The following MEI4 variants were observed in gnomAD, a reference collection of about 807,000 sequenced individuals.
MEI4 encodes meiotic double-stranded break formation protein 4.
Under a neutral mutation model 31.4 loss-of-function variants are expected in MEI4, and 27 were observed. The observed-to-expected ratio is 0.86, with a 90% CI of 0.63 to 1.19. The LOEUF (loss-of-function observed/expected upper bound fraction) is 1.19, where lower values mean the gene tolerates loss of function less well. MEI4 is among the 50% of genes most tolerant of loss of function. MEI4 has a pLI of 0.00. For missense variants in MEI4, 329 were observed against 398.9 expected (o/e 0.82, Z 1.49); for synonymous variants, 122 against 145.4 (o/e 0.84, Z 1.16).
At chr6:77,653,997 A>G (rs1488984842) in intron 1 of MEI4, among the ~76,000 whole-genome samples, 1 of 152,230 alleles carries the variant, frequency 6.6e-6, no homozygotes. Flanking sequence ...ATATTTATTC[A>G]ATAGAGTAAA....
At chr6:77,699,361 T>A (rs1172042685) in intron 2 of MEI4, among the ~76,000 whole-genome samples, 1 of 151,434 alleles carries the variant, frequency 6.6e-6, no homozygotes, top group African/African-American at 2.4e-5. Context: ...GGCTAATTTT[T>A]TTTTGTATTT....
At chr6:77,671,704 A>AT (rs11404703) in intron 1 of MEI4, among the ~76,000 whole-genome samples, 48,371 of 132,302 alleles carry the variant, frequency 0.37, 8,185 homozygotes, top group African/African-American at 0.5. Context: ...CAAAGTGGTC[A>AT]TAGCCCAAGC....
At chr6:77,833,967 A>AT (rs928682375) in intron 4 of MEI4, among the ~76,000 whole-genome samples, 3 of 152,108 alleles carry the variant, frequency 2.0e-5, no homozygotes, top group African/African-American at 7.2e-5. Flanking sequence ...TCATGAATTC[A>AT]TTTTTTATGG....
At chr6:77,920,432 C>T (rs2127742491) in intron 4 of MEI4, among the ~76,000 whole-genome samples, 1 of 151,990 alleles carries the variant, frequency 6.6e-6, no homozygotes, top group East Asian at 1.9e-4. Context: ...ACCTCTAATT[C>T]TATTCCACTT....
chr6:77,761,079 G>A, intron 2 of MEI4, 51 bp from the exon 3 acceptor site: 3 of 1,186,982 alleles, frequency 2.5e-6, no homozygotes, highest in Non-Finnish European at 1.1e-6. Flanking sequence ...AGTTTTACAT[G>A]AAGAAATTTC....
chr6:77,891,307 A>G (rs1771761883), intron 4 of MEI4, among the ~76,000 whole-genome samples: 1 of 152,078 alleles, frequency 6.6e-6, no homozygotes, highest in Non-Finnish European at 1.5e-5. Flanking sequence ...TGTCTCATAT[A>G]TCATATATGC....
chr6:77,743,727 G>A (rs990508257), intron 2 of MEI4, among the ~76,000 whole-genome samples: 1 of 152,168 alleles, frequency 6.6e-6, no homozygotes, highest in East Asian at 1.9e-4. Flanking sequence ...CCCAGTAGGG[G>A]CAGACTGACA....
chr6:77,689,729 A>C (rs1441782930), intron 1 of MEI4, among the ~76,000 whole-genome samples: 1 of 152,058 alleles, frequency 6.6e-6, no homozygotes, highest in Non-Finnish European at 1.5e-5. Flanking sequence ...GGAAGGAAAT[A>C]AAGTTTGAAA....
intron 2 of MEI4, among the ~76,000 whole-genome samples, chr6:77,727,051 G>T (rs1276243722): frequency 1.3e-5 from 2 of 152,072 alleles, no homozygotes; most frequent in South Asian, 2.1e-4. Flanking sequence ...AATTTTTTTT[G>T]GTACCTGCAA....
At chr6:77,731,408 T>C (rs1766987588) in intron 2 of MEI4, among the ~76,000 whole-genome samples, 1 of 151,578 alleles carries the variant, frequency 6.6e-6, no homozygotes, top group Admixed American at 6.6e-5. Context: ...CTGTGTTTTT[T>C]GGCTGCATAA....
intron 3 of MEI4, among the ~76,000 whole-genome samples, chr6:77,824,108 T>C (rs1302372026): frequency 6.6e-6 from 1 of 152,150 alleles, no homozygotes; most frequent in East Asian, 1.9e-4. Flanking sequence ...TACATTTTTT[T>C]TGATGGAGTT....
rs118039430 is a variant in MEI4, at chr6:77,911,202, C to A, written c.901-11887C>A. 5.3e-3 allele frequency among the ~76,000 whole-genome samples: 807 copies of A among 152,126 alleles called. 8 individuals are homozygous for A. The highest frequency in any genetic ancestry group is 9.1e-3 in the Non-Finnish European group (617 of 67,970). On this transcript the variant is annotated intron_variant, in intron 4 of 4. Transcript: ENST00000684080. Reference sequence around the variant, plus strand: ...TAGATAAGTAGTTGGCAAATATATTCTCTCATTCTGTAAGTTACCTCTGCC... The same window carrying A: ...TAGATAAGTAGTTGGCAAATATATTATCTCATTCTGTAAGTTACCTCTGCC...
intron 2 of MEI4, among the ~76,000 whole-genome samples, chr6:77,742,224 T>C (rs1222806231): frequency 6.6e-6 from 1 of 151,830 alleles, no homozygotes; most frequent in African/African-American, 2.4e-5. Context: ...TGAACTAGTT[T>C]ACAGTCCCAC....
chr6:77,791,373 C>T (rs1768925951), intron 3 of MEI4, among the ~76,000 whole-genome samples: 1 of 151,560 alleles, frequency 6.6e-6, no homozygotes, highest in African/African-American at 2.4e-5. Flanking sequence ...GAGTTCATGT[C>T]CTTTGTAGGG....
intron 1 of MEI4, among the ~76,000 whole-genome samples, chr6:77,690,280 C>T (rs959750075): frequency 1.3e-5 from 2 of 151,864 alleles, no homozygotes; most frequent in Non-Finnish European, 2.9e-5. Flanking sequence ...ATATAAAAGC[C>T]TCAGTCCTAC....
chr6:77,753,313 C>T (rs905390762), intron 2 of MEI4, among the ~76,000 whole-genome samples: 1 of 151,888 alleles, frequency 6.6e-6, no homozygotes, highest in Non-Finnish European at 1.5e-5. Flanking sequence ...GAGTGAACAG[C>T]CAACCTACAG....
intron 2 of MEI4, among the ~76,000 whole-genome samples, chr6:77,699,969 A>T (rs1171887885): frequency 6.6e-6 from 1 of 152,122 alleles, no homozygotes; most frequent in Non-Finnish European, 1.5e-5. Flanking sequence ...TTTGTCTCAG[A>T]GGCGTACCCG....
intron 4 of MEI4, among the ~76,000 whole-genome samples, chr6:77,908,252 G>C (rs1173330559): frequency 1.3e-5 from 2 of 152,010 alleles, no homozygotes; most frequent in Non-Finnish European, 2.9e-5. Context: ...GTATTGCCTA[G>C]GTTTTCTTCT....
intron 4 of MEI4, among the ~76,000 whole-genome samples, chr6:77,862,839 T>A (rs1477378105): frequency 6.6e-6 from 1 of 152,152 alleles, no homozygotes; most frequent in Non-Finnish European, 1.5e-5. Flanking sequence ...AGGGGCAGAC[T>A]GACACGTCAC....
Sources: gnomAD v4.1 joint callset for allele counts (sites outside exome capture counted in the v4.1 genomes callset) on GRCh38, gnomAD v4.1.1 for gene constraint, MANE v1.5 for transcripts, NCBI Gene and HGNC (gene_info 2026-07-23, HGNC 2026-07-21) for gene names.